SPATA7: variants seen among roughly 807,000 people sequenced by gnomAD.
SPATA7 encodes the protein spermatogenesis-associated protein 7.
In SPATA7, 43 loss-of-function variants were observed where a neutral mutation model predicts 51.8. The observed-to-expected ratio is 0.83, with a 90% CI of 0.65 to 1.07. The LOEUF (loss-of-function observed/expected upper bound fraction) is 1.07, where lower values mean the gene tolerates loss of function less well. Among genes scored for constraint, SPATA7 ranks in the 50% least tolerant of loss-of-function variants. SPATA7 has a pLI of 0.00. For missense variants in SPATA7, 683 were observed against 701.3 expected, an observed-to-expected ratio of 0.97 and a Z score of 0.30; for synonymous variants, 230 against 252.8, an observed-to-expected ratio of 0.91 and a Z score of 0.86.
chr14:88,455,072 G>T, exon 4 of SPATA7: 1 of 455,926 alleles, frequency 2.2e-6, no homozygotes, highest in South Asian at 1.5e-5. Context: ...TCCAGATGCT[G>T]CTACTACTGG....
rs1346078519 is a variant in SPATA7, at chr14:88,407,846, A to C, written c.239-8865A>C. Among the ~76,000 whole-genome samples the C allele has an allele frequency of 2.6e-5, 4 of 152,122 alleles. No individual in the cohort carries two copies. The East Asian group carries it at 7.7e-4, about 29-fold the overall frequency. Reference sequence around the variant, plus strand: ...CATATGGCTAGCCAGTTTTCCCAACACTGTTTGTTAAATAGGGACTCCTTT... The same window carrying C: ...CATATGGCTAGCCAGTTTTCCCAACCCTGTTTGTTAAATAGGGACTCCTTT... On this transcript the variant is annotated intron_variant, in intron 4 of 11. Transcript: ENST00000393545.
chr14:88,413,199 G>A (rs187705959), intron 4 of SPATA7, among the ~76,000 whole-genome samples: 6 of 152,132 alleles, frequency 3.9e-5, no homozygotes, highest in East Asian at 1.9e-4. Flanking sequence ...ATGTTTTTCC[G>A]TTTGTGTGTG....
intron 5 of SPATA7, among the ~76,000 whole-genome samples, chr14:88,423,013 C>G (rs1028615769): frequency 1.3e-5 from 2 of 152,046 alleles, no homozygotes; most frequent in Non-Finnish European, 2.9e-5. Flanking sequence ...TATCAAAAAC[C>G]TTTTATGATA....
chr14:88,416,601 C>T (rs2076484615), intron 4 of SPATA7, 110 bp from the exon 5 acceptor site: 2 of 1,017,266 alleles, frequency 2.0e-6, no homozygotes, highest in Admixed American at 2.2e-5. Context: ...TTTTTATTTA[C>T]ATATCATAAC....
intron 8 of SPATA7, among the ~76,000 whole-genome samples, chr14:88,429,890 CTATTTATT>C (rs57390600): frequency 9.1e-5 from 13 of 143,558 alleles, no homozygotes; most frequent in African/African-American, 2.3e-4. Context: ...TATGAAGACA[CTATTTATT>C]TATTTATTTA....
chr14:88,460,554 C>T (rs2077310795), intron 4 of SPATA7, among the ~76,000 whole-genome samples: 1 of 152,190 alleles, frequency 6.6e-6, no homozygotes, highest in Non-Finnish European at 1.5e-5. Context: ...TGTTTTTCAG[C>T]TCCATCAGGT....
chr14:88,399,427 G>A (rs558088212), intron 4 of SPATA7, among the ~76,000 whole-genome samples: 1 of 152,316 alleles, frequency 6.6e-6, no homozygotes, highest in Non-Finnish European at 1.5e-5. Context: ...TGTTAGGCAA[G>A]AGTAGAGACT....
rs1266851879 is a variant in SPATA7, at chr14:88,385,686, C to T, written c.-133C>T. On this transcript the variant is annotated 5_prime_UTR_variant, in exon 1 of 12. Coordinates refer to ENST00000393545, the MANE Select transcript of SPATA7 (RefSeq NM_018418.5). ...GACCCAGCCCTTAGCAACGGCCTGG[C>T]AACGGTTTCCCTGCTGCTGCAGCCC... 1.0e-5 allele frequency: 9 copies of T among 873,296 alleles called. No homozygotes were observed. The highest frequency in any genetic ancestry group is 2.6e-5 in the East Asian group (1 of 38,064). 54.1% of individuals were successfully genotyped at this position (873,296 alleles called of 1,614,324 possible).
chr14:88,467,907 A>G, intron 4 of SPATA7: 2 of 609,740 alleles, frequency 3.3e-6, no homozygotes, highest in Non-Finnish European at 2.9e-6. Context: ...GGGCAGGGCA[A>G]GGCCCTTGAA....
intron 5 of SPATA7, among the ~76,000 whole-genome samples, chr14:88,419,744 C>T (rs1469246078): frequency 6.6e-6 from 1 of 152,054 alleles, no homozygotes; most frequent in Non-Finnish European, 1.5e-5. Context: ...CCAGGATGGT[C>T]TCGATCTCCT....
chr14:88,450,362 G>GT (rs796327786), intron 3 of SPATA7, among the ~76,000 whole-genome samples: 6 of 150,482 alleles, frequency 4.0e-5, no homozygotes, highest in African/African-American at 7.3e-5. Flanking sequence ...AATACCTTAG[G>GT]TTTTTTTTTC....
intron 8 of SPATA7, among the ~76,000 whole-genome samples, chr14:88,430,637 G>A (rs576855287): frequency 2.0e-5 from 3 of 152,130 alleles, no homozygotes; most frequent in Admixed American, 1.3e-4. Context: ...GTTTATACTA[G>A]AGAAGTGCCG....
At chr14:88,408,405 T>G (rs1311843286) in intron 4 of SPATA7, among the ~76,000 whole-genome samples, 3 of 151,954 alleles carry the variant, frequency 2.0e-5, no homozygotes, top group Non-Finnish European at 2.9e-5. Flanking sequence ...GATTTGGCTG[T>G]CTGTCTGTTG....
At chr14:88,399,089 T>G (rs916678093) in intron 4 of SPATA7, among the ~76,000 whole-genome samples, 13 of 151,770 alleles carry the variant, frequency 8.6e-5, no homozygotes, top group Middle Eastern at 3.4e-3. Flanking sequence ...AATATCAACC[T>G]AAGGTTAATT....
intron 3 of SPATA7, among the ~76,000 whole-genome samples, chr14:88,394,581 C>A (rs778917708): frequency 2.3e-4 from 35 of 152,238 alleles, no homozygotes; most frequent in Middle Eastern, 3.4e-3. Context: ...ATTGTTTTGA[C>A]TCACTTTTGG....
At position 88,410,505 on chromosome 14, in the gene SPATA7, A is replaced by G. The variant is rs554872099; in HGVS notation, c.239-6206A>G. Among the ~76,000 whole-genome samples the G allele has an allele frequency of 5.3e-5, 8 of 150,680 alleles. No individual in the cohort carries two copies. The South Asian group carries it at 1.5e-3, about 28-fold the overall frequency. On this transcript the variant is annotated intron_variant, in intron 4 of 11. Transcript: ENST00000393545. Reference sequence around the variant, plus strand: ...TTTTTGGAATTTTCAACCTTTTTGCACTGTTTTTTCCTCATCTTCGTGGAT... The same window carrying G: ...TTTTTGGAATTTTCAACCTTTTTGCGCTGTTTTTTCCTCATCTTCGTGGAT...
intron 3 of SPATA7, among the ~76,000 whole-genome samples, chr14:88,446,427 A>G (rs1454116982): frequency 6.6e-6 from 1 of 152,128 alleles, no homozygotes; most frequent in African/African-American, 2.4e-5. Flanking sequence ...ATCCTTTCAA[A>G]AAACCAGCTC....
intron 3 of SPATA7, among the ~76,000 whole-genome samples, chr14:88,451,612 T>A (rs1294168088): frequency 6.6e-6 from 1 of 151,828 alleles, no homozygotes; most frequent in Non-Finnish European, 1.5e-5. Context: ...CTGCAACCTC[T>A]GCCTCCCTAG....
At chr14:88,455,176 C>G in exon 4 of SPATA7, 1 of 438,060 alleles carries the variant, frequency 2.3e-6, no homozygotes, top group South Asian at 1.6e-5. Flanking sequence ...GCTCTGCAAG[C>G]CCACTGTGAA....
Sources: allele counts gnomAD v4.1 joint callset (sites outside exome capture counted in the v4.1 genomes callset), GRCh38; gene constraint gnomAD v4.1.1; transcripts MANE v1.5; gene names NCBI Gene and HGNC (gene_info 2026-07-23, HGNC 2026-07-21).